The following CPNE5 variants were observed in gnomAD, a reference collection of about 807,000 sequenced individuals.
CPNE5 encodes copine-5.
CPNE5 carries 42 observed loss-of-function variants against 81.1 expected under a neutral mutation model. The observed-to-expected ratio is 0.52, with a 90% CI of 0.40 to 0.67. The LOEUF is 0.67. CPNE5 is among the 30% of genes least tolerant of loss of function. The pLI is 0.00. For missense variants in CPNE5, 612 were observed against 815.5 expected, an observed-to-expected ratio of 0.75 and a Z score of 3.04; for synonymous variants, 313 against 321.5, an observed-to-expected ratio of 0.97 and a Z score of 0.28.
intron 10 of CPNE5, among the ~76,000 whole-genome samples, chr6:36,765,764 C>A (rs566909396): frequency 3.3e-5 from 5 of 151,928 alleles, no homozygotes; most frequent in African/African-American, 1.2e-4. Flanking sequence ...GGATCTCAGG[C>A]CCCGGCAGGG....
chr6:36,835,495 C>A (rs146162012), intron 1 of CPNE5, among the ~76,000 whole-genome samples: 6 of 152,218 alleles, frequency 3.9e-5, no homozygotes, highest in South Asian at 2.1e-4. Context: ...CCAAAACAAC[C>A]CTTAAGAATC....
chr6:36,834,324 G>GAA (rs144148857), intron 1 of CPNE5, among the ~76,000 whole-genome samples: 2,488 of 121,486 alleles, frequency 0.02, 37 homozygotes, highest in African/African-American at 0.042. Context: ...AGGAAGGAAA[G>GAA]AAAAAAAAAA....
intron 12 of CPNE5, among the ~76,000 whole-genome samples, chr6:36,756,843 A>G (rs1443122333): frequency 2.0e-5 from 3 of 152,142 alleles, no homozygotes; most frequent in Non-Finnish European, 4.4e-5. Context: ...TTAACTTCCA[A>G]ACCAGACCTG....
chr6:36,742,091 C>T lies in CPNE5; in HGVS notation c.*177G>A. 1.7e-6 allele frequency: 1 copy of T among 594,050 alleles called. No homozygotes were observed. Among genetic ancestry groups the T allele is most frequent in the East Asian group, 2.8e-5 (1 of 35,560 alleles). The allele number at this position is 594,050 out of a possible 1,614,324, so 36.8% of individuals were successfully genotyped here. On this transcript the variant is annotated 3_prime_UTR_variant, in exon 21 of 21. Coordinates refer to ENST00000244751, the MANE Select transcript of CPNE5 (RefSeq NM_020939.2). ...ACCCCCCTAACTCCCTGGGTTTGGG[C>T]AATAAGTGAGGCCAAGAAATTGAGG... is the stretch of plus-strand genomic sequence containing the variant.
intron 11 of CPNE5, 54 bp from the exon 12 acceptor site, chr6:36,763,046 C>G (rs1247288298): frequency 4.8e-5 from 72 of 1,486,286 alleles, no homozygotes; most frequent in Non-Finnish European, 6.5e-5. Context: ...CTGCCTCTGC[C>G]CAGCCCCAGC....
At chr6:36,758,143 TC>T (rs1765666593) in intron 12 of CPNE5, among the ~76,000 whole-genome samples, 1 of 152,140 alleles carries the variant, frequency 6.6e-6, no homozygotes, top group Non-Finnish European at 1.5e-5. Context: ...TTACTTAACC[TC>T]AATGTGCCTC....
intron 14 of CPNE5, among the ~76,000 whole-genome samples, chr6:36,751,355 T>C (rs1012774335): frequency 6.6e-6 from 1 of 152,236 alleles, no homozygotes; most frequent in African/African-American, 2.4e-5. Flanking sequence ...TACTATAGAA[T>C]GAAAGGCAGC....
At chr6:36,768,225 C>CTTTTTTTCTTTTTTTTTTT (rs527797208) in intron 10 of CPNE5, among the ~76,000 whole-genome samples, 1,575 of 60,536 alleles carry the variant, frequency 0.026, 417 homozygotes, top group East Asian at 0.055. Context: ...ATTCACAGTT[C>CTTTTTTTCTTTTTTTTTTT]TTTTTTTTTT....
At chr6:36,820,525 T>C (rs1397938505) in intron 3 of CPNE5, among the ~76,000 whole-genome samples, 2 of 151,888 alleles carry the variant, frequency 1.3e-5, no homozygotes, top group East Asian at 3.9e-4. Flanking sequence ...ATCCATTCAT[T>C]TTTTAAGCAA....
intron 12 of CPNE5, chr6:36,757,301 TG>T (rs1765579838): frequency 1.0e-6 from 1 of 985,232 alleles, no homozygotes; most frequent in Non-Finnish European, 1.2e-6. Context: ...TGCTGCCTGT[TG>T]GTTTCTGGTG....
At position 36,744,301 on chromosome 6, in the gene CPNE5, T is replaced by C; in HGVS notation, c.1456A>G (p.Ile486Val). Residue 486 changes from isoleucine to valine, a missense_variant, in exon 19 of 21, where the codon ATT (isoleucine) becomes GTT (valine). Transcript: ENST00000244751. ...VNAAKLPMSI[I>V]IVGVGQAEFD... The stretch of plus-strand genomic sequence containing the variant: ...TCTGCCTGGCCCACGCCGACGATAA[T>C]GATGGACATGGGGAGCTTGGCAGCC... 1 of 1,584,102 alleles carries C rather than the reference T, an allele frequency of 6.3e-7. No homozygotes were observed. The highest frequency in any genetic ancestry group is 8.6e-7 in the Non-Finnish European group (1 of 1,165,868).
rs77580392 is a variant in CPNE5 at position 36,826,990 on chromosome 6, G to A, written c.96-3892C>T. ...AGCCTTGTCAGACAGGTCAGCTGTC[G>A]TTGGCCCGGTGCTGAGTGGAGCCGT... On this transcript the variant is annotated intron_variant, in intron 1 of 20. Coordinates refer to ENST00000244751, the MANE Select transcript of CPNE5 (RefSeq NM_020939.2). 1.6e-3 allele frequency among the ~76,000 whole-genome samples: 237 copies of A among 152,254 alleles called. 1 individual carries two copies. Among genetic ancestry groups the A allele is most frequent in the African/African-American group, 5.6e-3 (232 of 41,526 alleles).
chr6:36,820,653 T>C (rs1771967312), intron 3 of CPNE5, among the ~76,000 whole-genome samples: 1 of 151,620 alleles, frequency 6.6e-6, no homozygotes, highest in African/African-American at 2.4e-5. Context: ...ACAAGGTAAA[T>C]AAGTAGCCTG....
chr6:36,769,385 C>T (rs1029358840), intron 10 of CPNE5, among the ~76,000 whole-genome samples: 6 of 152,178 alleles, frequency 3.9e-5, no homozygotes, highest in Non-Finnish European at 7.3e-5. Context: ...TATGTGTGAG[C>T]CTGGGCAAGC....
intron 6 of CPNE5, 125 bp downstream of exon 6, chr6:36,798,040 T>C: frequency 1.4e-6 from 1 of 707,558 alleles, no homozygotes; most frequent in East Asian, 2.7e-5. Context: ...GGGGTCTCTT[T>C]ATTCCTAATA....
At chr6:36,774,873 A>G (rs1190114201) in intron 10 of CPNE5, 88 bp downstream of exon 10, 3 of 989,816 alleles carry the variant, frequency 3.0e-6, no homozygotes, top group African/African-American at 3.2e-5. Flanking sequence ...GGGACTGACC[A>G]CGTCAATATG....
rs144630113 is a variant in CPNE5, at chr6:36,796,532, G to A, written c.404+1633C>T. On this transcript the variant is annotated intron_variant, in intron 6 of 20. Coordinates refer to ENST00000244751, the MANE Select transcript of CPNE5 (RefSeq NM_020939.2). ...GCTGCTGGAAAGAGCAGATGCTAAT[G>A]GGTATGCTACACTCAGCACATGGTT... Among the ~76,000 whole-genome samples, 136 of 152,354 alleles carry A rather than the reference G, an allele frequency of 8.9e-4. 1 individual carries two copies. Among genetic ancestry groups the A allele is most frequent in the African/African-American group, 2.9e-3 (120 of 41,582 alleles).
At chr6:36,794,714 C>A (rs76066627) in intron 6 of CPNE5, 65 bp from the exon 7 acceptor site, 2 of 1,443,814 alleles carry the variant, frequency 1.4e-6, no homozygotes, top group African/African-American at 2.8e-5. Context: ...GACAGGCCAG[C>A]GCACTTGGCA....
chr6:36,838,102 A>G (rs948673905), intron 1 of CPNE5, among the ~76,000 whole-genome samples: 1 of 152,120 alleles, frequency 6.6e-6, no homozygotes, highest in Non-Finnish European at 1.5e-5. Context: ...CTTCAAGAGA[A>G]AGTCACACTG....
Sources: gnomAD v4.1 joint callset for allele counts (sites outside exome capture counted in the v4.1 genomes callset) on GRCh38, gnomAD v4.1.1 for gene constraint, MANE v1.5 for transcripts, NCBI Gene and HGNC (gene_info 2026-07-23, HGNC 2026-07-21) for gene names.